The following NXPH1 variants were observed in gnomAD, a reference collection of about 807,000 sequenced individuals.
The protein encoded by NXPH1 is neurexophilin 1.
A neutral mutation model predicts 23.7 loss-of-function variants in NXPH1; 5 were observed. The observed-to-expected ratio is 0.21, with a 90% confidence interval of 0.11 to 0.44. The LOEUF is 0.44. Ranked by LOEUF, NXPH1 falls within the 20% of genes least tolerant of loss-of-function variation. The pLI is 0.99. For missense variants in NXPH1, 324 were observed against 321.6 expected (o/e 1.01, Z -0.06); for synonymous variants, 144 against 122.2 (o/e 1.18, Z -1.18).
chr7:8,601,920 G>C (rs1819371486), intron 2 of NXPH1, among the ~76,000 whole-genome samples: 1 of 152,192 alleles, frequency 6.6e-6, no homozygotes, highest in Non-Finnish European at 1.5e-5. Flanking sequence ...CCAGACCGAA[G>C]ACCAATGGCC....
At chr7:8,556,391 T>C (rs370346217) in intron 2 of NXPH1, among the ~76,000 whole-genome samples, 11 of 151,690 alleles carry the variant, frequency 7.3e-5, no homozygotes, top group South Asian at 2.1e-4. Context: ...ACCTCCAAGA[T>C]TGCTCACTCA....
At chr7:8,581,379 C>G (rs1030222218) in intron 2 of NXPH1, among the ~76,000 whole-genome samples, 7 of 152,094 alleles carry the variant, frequency 4.6e-5, no homozygotes, top group Non-Finnish European at 8.8e-5. Flanking sequence ...CGGAAACTTA[C>G]AATCATGACG....
At chr7:8,650,470 T>C (rs182208529) in intron 2 of NXPH1, among the ~76,000 whole-genome samples, 6 of 152,326 alleles carry the variant, frequency 3.9e-5, no homozygotes, top group Non-Finnish European at 7.3e-5. Context: ...AGTTTTAATA[T>C]TATGTTTGTC....
chr7:8,630,525 A>C (rs907627715), intron 2 of NXPH1, among the ~76,000 whole-genome samples: 1 of 152,182 alleles, frequency 6.6e-6, no homozygotes, highest in African/African-American at 2.4e-5. Flanking sequence ...GACAGTTGGC[A>C]TAACATTTAT....
chr7:8,532,159 A>G lies in NXPH1; in HGVS notation c.54+96392A>G, dbSNP rs1040130057. Reference sequence around the variant, plus strand: ...TACAGACTCTTAGTAACCAATATGTAAAAAATACCAACCAGGGAAAGATAT... The same window carrying G: ...TACAGACTCTTAGTAACCAATATGTGAAAAATACCAACCAGGGAAAGATAT... On this transcript the variant is annotated intron_variant, in intron 2 of 2. Coordinates refer to ENST00000405863, the MANE Select transcript of NXPH1 (RefSeq NM_152745.3). Among the ~76,000 whole-genome samples the G allele has an allele frequency of 2.2e-4, 33 of 152,158 alleles. 1 individual carries two copies. Among genetic ancestry groups the G allele is most frequent in the African/African-American group, 7.7e-4 (32 of 41,444 alleles).
At chr7:8,690,176 A>G (rs1192691120) in intron 2 of NXPH1, 2 of 152,220 alleles carry the variant, frequency 1.3e-5, no homozygotes, top group African/African-American at 4.8e-5. Flanking sequence ...CCTTGCTAAC[A>G]TCTGCCAGAA....
chr7:8,465,602 T>A (rs1816774613), intron 2 of NXPH1, among the ~76,000 whole-genome samples: 1 of 152,182 alleles, frequency 6.6e-6, no homozygotes, highest in African/African-American at 2.4e-5. Context: ...GCAGGGGGCA[T>A]TTTCACGGTC....
chr7:8,635,369 A>G (rs1409519007), intron 2 of NXPH1, among the ~76,000 whole-genome samples: 1 of 152,238 alleles, frequency 6.6e-6, no homozygotes, highest in Non-Finnish European at 1.5e-5. Context: ...AAAGAACTTC[A>G]GAGTTTCTTT....
chr7:8,472,846 C>T (rs1207701814), intron 2 of NXPH1, among the ~76,000 whole-genome samples: 2 of 152,182 alleles, frequency 1.3e-5, no homozygotes, highest in Admixed American at 1.3e-4. Context: ...ACAAGGGGAA[C>T]TCACTTGGTT....
At chr7:8,548,236 ATGG>A (rs1360602044) in intron 2 of NXPH1, among the ~76,000 whole-genome samples, 4 of 151,570 alleles carry the variant, frequency 2.6e-5, no homozygotes, top group African/African-American at 9.7e-5. Flanking sequence ...CTTCCTGTTC[ATGG>A]AGTTTACCAT....
chr7:8,705,565 G>A (rs1779689786), intron 2 of NXPH1, among the ~76,000 whole-genome samples: 1 of 152,166 alleles, frequency 6.6e-6, no homozygotes, highest in Admixed American at 6.6e-5. Flanking sequence ...GAAGATATAT[G>A]TATCTTAAAG....
At chr7:8,545,771 A>C (rs992964027) in intron 2 of NXPH1, among the ~76,000 whole-genome samples, 1 of 151,520 alleles carries the variant, frequency 6.6e-6, no homozygotes, top group African/African-American at 2.4e-5. Flanking sequence ...AGAGAATACA[A>C]ATGTTCATAA....
intron 2 of NXPH1, among the ~76,000 whole-genome samples, chr7:8,586,210 A>G (rs1015049290): frequency 2.0e-5 from 3 of 152,136 alleles, no homozygotes; most frequent in African/African-American, 7.2e-5. Context: ...AAATGCTGGA[A>G]ATTCAAATCC....
intron 2 of NXPH1, among the ~76,000 whole-genome samples, chr7:8,580,925 A>AT (rs1818855698): frequency 6.6e-6 from 1 of 152,054 alleles, no homozygotes; most frequent in African/African-American, 2.4e-5. Flanking sequence ...TTTTATTTGG[A>AT]TTTTTAAAAA....
intron 2 of NXPH1, among the ~76,000 whole-genome samples, chr7:8,546,001 C>T (rs534858507): frequency 1.8e-4 from 27 of 151,488 alleles, no homozygotes; most frequent in African/African-American, 4.3e-4. Flanking sequence ...TTGATTTCAC[C>T]GTAAAGATTG....
At chr7:8,718,105 A>C (rs1779907952) in intron 2 of NXPH1, among the ~76,000 whole-genome samples, 1 of 152,052 alleles carries the variant, frequency 6.6e-6, no homozygotes, top group Non-Finnish European at 1.5e-5. Context: ...TGTTCTTTAC[A>C]TTTCTACTTG....
chr7:8,667,520 C>A (rs1313135238), intron 2 of NXPH1, among the ~76,000 whole-genome samples: 1 of 151,470 alleles, frequency 6.6e-6, no homozygotes, highest in Non-Finnish European at 1.5e-5. Context: ...TATCTATTGG[C>A]CTTTAATGAA....
chr7:8,738,036 A>C (rs1780292236), intron 2 of NXPH1, among the ~76,000 whole-genome samples: 1 of 151,810 alleles, frequency 6.6e-6, no homozygotes, highest in African/African-American at 2.4e-5. Flanking sequence ...AATTCATCCA[A>C]CCTTTTTTCA....
intron 2 of NXPH1, among the ~76,000 whole-genome samples, chr7:8,462,320 T>G (rs898740116): frequency 6.6e-6 from 1 of 152,256 alleles, no homozygotes; most frequent in East Asian, 1.9e-4. Flanking sequence ...GTTCTGTCAT[T>G]ACAGGCGTGA....
Sources: gnomAD v4.1 joint callset for allele counts (sites outside exome capture counted in the v4.1 genomes callset) on GRCh38, gnomAD v4.1.1 for gene constraint, MANE v1.5 for transcripts, NCBI Gene and HGNC (gene_info 2026-07-23, HGNC 2026-07-21) for gene names.